The following STK32B variants were observed in gnomAD, a reference collection of about 807,000 sequenced individuals.
STK32B encodes serine/threonine-protein kinase 32B.
In STK32B, 43 loss-of-function variants were observed where a neutral mutation model predicts 52.6. That is an observed-to-expected ratio of 0.82 (90% CI 0.64 to 1.05). The LOEUF (loss-of-function observed/expected upper bound fraction) is 1.05. Ranked by LOEUF, STK32B falls within the 50% of genes least tolerant of loss-of-function variation. The pLI is 0.00. For missense variants in STK32B, 621 were observed against 534.6 expected (o/e 1.16, Z -1.59); for synonymous variants, 238 against 204.3 (o/e 1.17, Z -1.41).
At chr4:5,441,514 C>G (rs1196337353) in intron 6 of STK32B, among the ~76,000 whole-genome samples, 5 of 150,900 alleles carry the variant, frequency 3.3e-5, no homozygotes, top group African/African-American at 1.2e-4. Flanking sequence ...ATTAGTCTTG[C>G]TAGCAGTCTA....
chr4:5,392,523 C>T (rs11947561), intron 4 of STK32B, among the ~76,000 whole-genome samples: 4,200 of 152,088 alleles, frequency 0.028, 161 homozygotes, highest in East Asian at 0.083. Context: ...CTGGGAACCC[C>T]AATTTATTCC....
Position 5,400,695 on chromosome 4 carries a change from A to G in STK32B, c.472+2451A>G, listed in dbSNP as rs1737234984. Among the ~76,000 whole-genome samples, 1 of 152,190 alleles carries G rather than the reference A, an allele frequency of 6.6e-6. No individual in the cohort carries two copies. Among genetic ancestry groups the G allele is most frequent in the South Asian group, 2.1e-4 (1 of 4,828 alleles). ...GAAGAGTCTCCTTTCTGGGGAGAGA[A>G]GAGAAAGAGAGAATTCTATGCCCAT... On this transcript the variant is annotated intron_variant, in intron 5 of 11. Coordinates refer to ENST00000282908, the MANE Select transcript of STK32B (RefSeq NM_018401.3). This position sits in a 1 kb window ranked among gnomAD's most constrained non-coding sequence, Gnocchi z 6.1.
chr4:5,368,066 G>T (rs1734991407), intron 4 of STK32B, among the ~76,000 whole-genome samples: 1 of 152,108 alleles, frequency 6.6e-6, no homozygotes, highest in Non-Finnish European at 1.5e-5. Flanking sequence ...TGGGTTTCTT[G>T]CATCTCTAAT....
chr4:5,234,201 T>C (rs770403275), intron 3 of STK32B, among the ~76,000 whole-genome samples: 5 of 152,178 alleles, frequency 3.3e-5, no homozygotes, highest in African/African-American at 9.7e-5. Context: ...GGCCGCTCTT[T>C]TGAATCAACT....
chr4:5,104,682 G>A (rs144747732), intron 1 of STK32B, among the ~76,000 whole-genome samples: 2 of 152,154 alleles, frequency 1.3e-5, no homozygotes, highest in African/African-American at 4.8e-5. Context: ...TCATGACTCT[G>A]TGTCTTCTTC....
intron 1 of STK32B, among the ~76,000 whole-genome samples, chr4:5,057,424 C>A (rs1222499030): frequency 2.6e-5 from 4 of 152,166 alleles, no homozygotes; most frequent in African/African-American, 9.7e-5. Flanking sequence ...AGCTAAATGG[C>A]AGCCTGTGGT....
rs1001788722 is a variant in STK32B, at chr4:5,500,741, CTTG to C, written c.*1661_*1663del. 1.3e-5 allele frequency: 2 copies of C among 152,186 alleles called. No individual in the cohort carries two copies. The highest frequency in any genetic ancestry group is 2.4e-5 in the African/African-American group (1 of 41,432). The allele number at this position is 152,186 out of a possible 1,614,324, so 9.4% of individuals were successfully genotyped here. A position where few individuals can be genotyped will look rare whatever the true frequency, so the allele number is the denominator to read the frequency against. The stretch of plus-strand genomic sequence containing the variant: ...GGATTGTGTGCTCCTCGTCAGTTGA[CTTG>C]TTTTGCACACTTTTCTTTACTTCAT... On this transcript the variant is annotated 3_prime_UTR_variant, in exon 12 of 12. Coordinates refer to ENST00000282908, the MANE Select transcript of STK32B (RefSeq NM_018401.3).
rs181946598 is a variant in STK32B at position 5,485,631 on chromosome 4, G to A, written c.1107-13314G>A. 2.6e-5 allele frequency among the ~76,000 whole-genome samples: 4 copies of A among 152,340 alleles called. No homozygotes were observed. The East Asian group carries it at 7.7e-4, about 29-fold the overall frequency. On this transcript the variant is annotated intron_variant, in intron 11 of 11. Transcript: ENST00000282908. ...CCAGCTTTGTTCCGTTGCTGGTGAG[G>A]AGCTGCGTTCCTTTGGAGGAGGAGA...
At chr4:5,154,874 C>A (rs985609041) in intron 2 of STK32B, among the ~76,000 whole-genome samples, 1 of 152,216 alleles carries the variant, frequency 6.6e-6, no homozygotes, top group Non-Finnish European at 1.5e-5. Flanking sequence ...TTGGTCTAGA[C>A]AGCAGCCAGG....
At chr4:5,310,832 A>G (rs1279257107) in intron 3 of STK32B, among the ~76,000 whole-genome samples, 4 of 152,340 alleles carry the variant, frequency 2.6e-5, no homozygotes, top group South Asian at 4.1e-4. Flanking sequence ...AATGTGGTAT[A>G]TGTACATGAT....
chr4:5,026,582 G>T, the STK32B span, among the ~76,000 whole-genome samples: 5 of 152,338 alleles, frequency 3.3e-5, 1 homozygote, highest in African/African-American at 1.2e-4. Flanking sequence ...ATCTCCACTT[G>T]TTCATGCTCT....
At chr4:5,170,052 A>G (rs1028093544) in intron 3 of STK32B, among the ~76,000 whole-genome samples, 2 of 152,246 alleles carry the variant, frequency 1.3e-5, no homozygotes, top group East Asian at 3.8e-4. Flanking sequence ...TGGCTACATA[A>G]TATTCCACTA....
chr4:5,262,501 T>C (rs1577261785), intron 3 of STK32B, among the ~76,000 whole-genome samples: 1 of 151,428 alleles, frequency 6.6e-6, no homozygotes, highest in Non-Finnish European at 1.5e-5. Context: ...GGCGGGCGCC[T>C]GTAGTCCCAG....
In STK32B at chr4:5,331,218, A is replaced by G. The variant is rs1732223425; in HGVS notation, c.261-2A>G. 6.2e-7 allele frequency: 1 copy of G among 1,610,696 alleles called. No individual in the cohort carries two copies. Among genetic ancestry groups the G allele is most frequent in the Non-Finnish European group, 8.5e-7 (1 of 1,178,294 alleles). ...ATCTTCTCTGTCCTTCTGTGCTCCT[A>G]GGTACTCCTTCCAGGATGAGGAGGA... On this transcript the variant is annotated splice_acceptor_variant, in intron 3 of 11. Coordinates refer to ENST00000282908, the MANE Select transcript of STK32B (RefSeq NM_018401.3). LOFTEE classifies it high-confidence loss of function.
intron 3 of STK32B, among the ~76,000 whole-genome samples, chr4:5,244,297 A>T (rs912610565): frequency 1.3e-5 from 2 of 152,106 alleles, no homozygotes; most frequent in African/African-American, 4.8e-5. Flanking sequence ...TTCCTGGTTT[A>T]GTCTTGGGAG....
intron 3 of STK32B, among the ~76,000 whole-genome samples, chr4:5,302,972 G>A (rs1256817573): frequency 6.9e-6 from 1 of 145,774 alleles, no homozygotes; most frequent in Non-Finnish European, 1.5e-5. Context: ...TATGGTATAT[G>A]TGTGTGTGTC....
intron 4 of STK32B, among the ~76,000 whole-genome samples, chr4:5,333,222 T>G (rs1732396575): frequency 6.6e-6 from 1 of 152,248 alleles, no homozygotes; most frequent in South Asian, 2.1e-4. Context: ...ATTGTGGTTT[T>G]GATTTGCATT....
At chr4:5,262,217 C>T (rs1056480097) in intron 3 of STK32B, among the ~76,000 whole-genome samples, 1 of 152,130 alleles carries the variant, frequency 6.6e-6, no homozygotes, top group Non-Finnish European at 1.5e-5. Context: ...GTCCCATTGC[C>T]TGTCTGGAGC....
chr4:5,146,692 C>T (rs560713531), intron 2 of STK32B, among the ~76,000 whole-genome samples: 3 of 152,282 alleles, frequency 2.0e-5, no homozygotes, highest in Admixed American at 2.0e-4. Flanking sequence ...TTAATATTAA[C>T]CATCACAGAT....
Sources: allele counts gnomAD v4.1 joint callset (sites outside exome capture counted in the v4.1 genomes callset), GRCh38; gene constraint gnomAD v4.1.1; non-coding constraint Gnocchi (gnomAD v3.1); transcripts MANE v1.5; gene names NCBI Gene and HGNC (gene_info 2026-07-23, HGNC 2026-07-21).